Variants in ERBB4 observed in about 807,000 individuals in gnomAD.
The protein encoded by ERBB4 is erb-b2 receptor tyrosine kinase 4, also known as receptor tyrosine-protein kinase erbB-4.
In ERBB4, 42 loss-of-function variants were observed where a neutral mutation model predicts 158.0. The ratio of observed to expected loss-of-function variants is 0.27; its 90% CI spans 0.21 to 0.34. The LOEUF (loss-of-function observed/expected upper bound fraction) is 0.34, where lower values mean the gene tolerates loss of function less well. Among genes scored for constraint, ERBB4 ranks in the 10% least tolerant of loss-of-function variants. ERBB4 has a pLI of 1.00. For missense variants in ERBB4, 1,333 were observed against 1,624.1 expected (o/e 0.82, Z 3.08); for synonymous variants, 583 against 558.7 (o/e 1.04, Z -0.61).
intron 16 of ERBB4, among the ~76,000 whole-genome samples, chr2:211,646,818 A>G (rs1388120394): frequency 2.0e-5 from 3 of 151,674 alleles, no homozygotes; most frequent in African/African-American, 7.2e-5. Flanking sequence ...ACAACCTGCT[A>G]TTTTCCATGC....
At chr2:211,821,636 A>G (rs146763153) in intron 3 of ERBB4, among the ~76,000 whole-genome samples, 1 of 152,214 alleles carries the variant, frequency 6.6e-6, no homozygotes, top group East Asian at 1.9e-4. Flanking sequence ...CCAAAACAGC[A>G]TGGTACTGAC....
chr2:211,813,675 C>A (rs1452775679), intron 3 of ERBB4, among the ~76,000 whole-genome samples: 1 of 152,064 alleles, frequency 6.6e-6, no homozygotes, highest in Non-Finnish European at 1.5e-5. Context: ...AGTGTGAAAT[C>A]CAAGACATGT....
rs190783899 is a variant in ERBB4, at chr2:211,833,946, A to G, written c.422-45787T>C. ...ATGGTATGTGACTGTACCCCAGTTC[A>G]CTGGATGCCACCCCTAGGTGCATAT... On this transcript the variant is annotated intron_variant, in intron 3 of 27. Coordinates refer to ENST00000342788, the MANE Select transcript of ERBB4 (RefSeq NM_005235.3). 4.9e-4 allele frequency among the ~76,000 whole-genome samples: 74 copies of G among 152,170 alleles called. 2 individuals are homozygous for G. Among genetic ancestry groups the G allele is most frequent in the African/African-American group, 1.6e-3 (65 of 41,550 alleles).
At chr2:212,173,473 G>A (rs990757684) in intron 1 of ERBB4, among the ~76,000 whole-genome samples, 2 of 152,136 alleles carry the variant, frequency 1.3e-5, no homozygotes, top group Admixed American at 6.6e-5. Context: ...CCAGTGGAAA[G>A]GTGGTGGGAA....
At chr2:212,225,021 C>G (rs1331965127) in intron 1 of ERBB4, among the ~76,000 whole-genome samples, 2 of 151,920 alleles carry the variant, frequency 1.3e-5, no homozygotes, top group Non-Finnish European at 1.5e-5. Context: ...TTTCCTGAAC[C>G]ATTTTTTATT....
intron 1 of ERBB4, among the ~76,000 whole-genome samples, chr2:212,219,096 G>T (rs1574458820): frequency 6.6e-6 from 1 of 151,258 alleles, no homozygotes; most frequent in East Asian, 1.9e-4. Flanking sequence ...TAGAGATTTT[G>T]TAGAATCATA....
At chr2:212,333,164 A>C (rs1434611961) in intron 1 of ERBB4, among the ~76,000 whole-genome samples, 1 of 152,048 alleles carries the variant, frequency 6.6e-6, no homozygotes, top group Non-Finnish European at 1.5e-5. Context: ...CATTCAAAAA[A>C]TAATTTTGAA....
At chr2:211,976,373 T>C (rs1396158865) in intron 2 of ERBB4, among the ~76,000 whole-genome samples, 1 of 152,188 alleles carries the variant, frequency 6.6e-6, no homozygotes, top group African/African-American at 2.4e-5. Context: ...ATTAGCTTCA[T>C]TTCTTGTTCA....
chr2:211,647,155 C>T (rs2070805854), intron 16 of ERBB4, among the ~76,000 whole-genome samples: 1 of 151,486 alleles, frequency 6.6e-6, no homozygotes, highest in Non-Finnish European at 1.5e-5. Context: ...TTCTCTAAGA[C>T]TAATCCTTTC....
At chr2:212,482,339 G>A (rs1412507008) in intron 1 of ERBB4, among the ~76,000 whole-genome samples, 2 of 152,196 alleles carry the variant, frequency 1.3e-5, no homozygotes, top group Non-Finnish European at 2.9e-5. Context: ...GCTACTGAGA[G>A]AATATGAATA....
chr2:212,163,242 A>T (rs559027288), intron 1 of ERBB4, among the ~76,000 whole-genome samples: 16 of 151,962 alleles, frequency 1.1e-4, no homozygotes, highest in Non-Finnish European at 2.1e-4. Context: ...CTAATCTTTC[A>T]TGTTATTTCC....
At chr2:211,594,120 TAAC>T (rs890493199) in intron 19 of ERBB4, among the ~76,000 whole-genome samples, 27 of 151,980 alleles carry the variant, frequency 1.8e-4, no homozygotes, top group South Asian at 1.3e-3. Context: ...ACCCAACCGA[TAAC>T]AACAACAACA....
At chr2:211,392,842 A>G (rs1394996891) in intron 25 of ERBB4, among the ~76,000 whole-genome samples, 2 of 151,956 alleles carry the variant, frequency 1.3e-5, no homozygotes, top group African/African-American at 4.8e-5. Context: ...TAATTTTTAG[A>G]GACAGGGTTT....
At chr2:211,740,306 A>G (rs1012431659) in intron 5 of ERBB4, among the ~76,000 whole-genome samples, 2 of 152,126 alleles carry the variant, frequency 1.3e-5, no homozygotes, top group Non-Finnish European at 2.9e-5. Flanking sequence ...GTATGTTTTT[A>G]TAACTCATCA....
intron 13 of ERBB4, among the ~76,000 whole-genome samples, chr2:211,673,666 T>C (rs201766334): frequency 6.6e-6 from 1 of 152,070 alleles, no homozygotes; most frequent in Non-Finnish European, 1.5e-5. Context: ...AGAACTATTG[T>C]ATTTTTCTTG....
At chr2:211,594,115 A>C (rs2068556504) in intron 19 of ERBB4, among the ~76,000 whole-genome samples, 1 of 152,020 alleles carries the variant, frequency 6.6e-6, no homozygotes, top group Admixed American at 6.6e-5. Context: ...GTGGAACCCA[A>C]CCGATAACAA....
At chr2:211,558,935 A>T (rs2067311478) in intron 20 of ERBB4, among the ~76,000 whole-genome samples, 1 of 152,168 alleles carries the variant, frequency 6.6e-6, no homozygotes, top group African/African-American at 2.4e-5. Context: ...GTAATCCTTC[A>T]TCTTTCCATA....
chr2:212,453,509 A>T (rs1180754226), intron 1 of ERBB4, among the ~76,000 whole-genome samples: 1 of 152,184 alleles, frequency 6.6e-6, no homozygotes, highest in Non-Finnish European at 1.5e-5. Flanking sequence ...TTGTTTAAAT[A>T]GGGTTCTTAT....
At chr2:211,858,283 G>A (rs578130786) in intron 3 of ERBB4, among the ~76,000 whole-genome samples, 2 of 152,286 alleles carry the variant, frequency 1.3e-5, no homozygotes, top group African/African-American at 4.8e-5. Context: ...GCAATGAGCT[G>A]ATTGGAAGAC....
Sources: gnomAD v4.1 joint callset for allele counts (sites outside exome capture counted in the v4.1 genomes callset) on GRCh38, gnomAD v4.1.1 for gene constraint, MANE v1.5 for transcripts, NCBI Gene and HGNC (gene_info 2026-07-23, HGNC 2026-07-21) for gene names.